HAUS5: variants seen among roughly 807,000 people sequenced by gnomAD.
HAUS5 encodes HAUS augmin like complex subunit 5, also known as HAUS augmin-like complex subunit 5.
A neutral mutation model predicts 94.1 loss-of-function variants in HAUS5; 67 were observed. The ratio of observed to expected loss-of-function variants is 0.71; its 90% CI spans 0.58 to 0.87. The LOEUF is 0.87. HAUS5 is among the 40% of genes least tolerant of loss of function. The pLI is 0.00. For missense variants in HAUS5, 739 were observed against 825.6 expected (o/e 0.90, Z 1.29); for synonymous variants, 339 against 355.4 (o/e 0.95, Z 0.52).
At chr19:35,614,977 C>A (rs901374403) in intron 4 of HAUS5, 65 bp from the exon 5 acceptor site, 2 of 1,202,676 alleles carry the variant, frequency 1.7e-6, no homozygotes, top group African/African-American at 3.0e-5. Flanking sequence ...GAGCCTGGTA[C>A]CCCCAAAAGA....
chr19:35,617,780 A>G (rs983038859), intron 8 of HAUS5, 75 bp from the exon 9 acceptor site: 1 of 1,262,080 alleles, frequency 7.9e-7, no homozygotes, highest in South Asian at 1.2e-5. Context: ...CCCCTACCTT[A>G]TAGGGTGGTG....
chr19:35,612,761 C>T lies in HAUS5; in HGVS notation c.-34C>T. 1.3e-6 allele frequency: 2 copies of T among 1,494,220 alleles called. No individual in the cohort carries two copies. The highest frequency in any genetic ancestry group is 9.0e-7 in the Non-Finnish European group (1 of 1,106,092). 92.6% of individuals were successfully genotyped at this position (1,494,220 alleles called of 1,614,324 possible). On this transcript the variant is annotated 5_prime_UTR_variant, in exon 1 of 19. Coordinates refer to ENST00000203166, the MANE Select transcript of HAUS5 (RefSeq NM_015302.2). ...GAGGCGGGCGCCACACTTGAAGAGGCTGAGGGAGGCGGTGTCGCCGCCGCG... is the reference window on the plus strand; with the variant it reads ...GAGGCGGGCGCCACACTTGAAGAGGTTGAGGGAGGCGGTGTCGCCGCCGCG...
intron 12 of HAUS5, 72 bp from the exon 13 acceptor site, chr19:35,618,815 C>G: frequency 6.5e-7 from 1 of 1,530,112 alleles, no homozygotes; most frequent in Middle Eastern, 1.8e-4. Flanking sequence ...TGCAGTGTCT[C>G]TCCCTGGTTT....
intron 17 of HAUS5, among the ~76,000 whole-genome samples, chr19:35,622,134 C>T (rs188551718): frequency 6.6e-6 from 1 of 152,190 alleles, no homozygotes; most frequent in East Asian, 1.9e-4. Context: ...TTGGACTCTG[C>T]CTTGGGGGCA....
intron 17 of HAUS5, among the ~76,000 whole-genome samples, chr19:35,620,576 A>G (rs1967195054): frequency 6.6e-6 from 1 of 152,210 alleles, no homozygotes; most frequent in Admixed American, 6.5e-5. Flanking sequence ...CTGGAATTTG[A>G]ATCCAGGTGG....
chr19:35,619,978 T>C, intron 15 of HAUS5, 34 bp from the exon 16 acceptor site: 1 of 1,603,280 alleles, frequency 6.2e-7, no homozygotes, highest in Non-Finnish European at 8.5e-7. Flanking sequence ...CTCCTCTCAG[T>C]CCCCACCCAA....
rs114279070 is a variant in HAUS5, at chr19:35,617,209, A to G, written c.555+16A>G. The G allele has an allele frequency of 2.1e-3, 3,308 of 1,612,972 alleles. 52 individuals are homozygous for G. In the African/African-American group the frequency reaches 0.039, roughly 19 times the overall value. ...CGTGGTCCTGGTAAGAGTCCTGGTC[A>G]TGGGAGAAGGGGCAGGGAGCCTGGA... On this transcript the variant is annotated intron_variant, in intron 7 of 18. Transcript: ENST00000203166.
intron 4 of HAUS5, 62 bp downstream of exon 4, chr19:35,614,121 C>CT (rs2071920055): frequency 9.6e-6 from 14 of 1,463,434 alleles, no homozygotes; most frequent in Non-Finnish European, 1.3e-5. Flanking sequence ...ATCTTCTGCT[C>CT]TAAGCCCAAC....
intron 14 of HAUS5, 21 bp from the exon 15 acceptor site, chr19:35,619,592 C>CCCCCCCCCCCCAA: frequency 2.0e-6 from 3 of 1,524,170 alleles, no homozygotes; most frequent in Non-Finnish European, 2.7e-6. Flanking sequence ...ATGCCCCACC[C>CCCCCCCCCCCCAA]ACCCCTCCCC....
At position 35,619,757 on chromosome 19, in the gene HAUS5, G is replaced by C; in HGVS notation, c.1405G>C (p.Glu469Gln). Residue 469 changes from glutamate (E) to glutamine (Q), a missense_variant and splice_region_variant, in exon 15 of 19, where the codon GAG (glutamate) becomes CAG (glutamine). Physicochemically the swap from Glu to Gln is conservative, Grantham distance 29. Transcript: ENST00000203166. Reference protein sequence around the residue: ...LGTLLRHRPGELKPLPTVLPS... With the variant: ...LGTLLRHRPGQLKPLPTVLPS... ...CACGCTGCTGCGGCACAGGCCGGGA[G>C]AGTGAGACTGGGGCTGCCCCACCCC... The C allele has an allele frequency of 6.5e-7, 1 of 1,546,958 alleles. No homozygotes were observed. The highest frequency in any genetic ancestry group is 8.7e-7 in the Non-Finnish European group (1 of 1,145,548).
At chr19:35,619,589 A>ACCCCC in intron 14 of HAUS5, 24 bp from the exon 15 acceptor site, 1 of 690,970 alleles carries the variant, frequency 1.4e-6, no homozygotes, top group Non-Finnish European at 2.2e-6. Context: ...GTGATGCCCC[A>ACCCCC]CCCACCCCTC....
chr19:35,622,852 C>T (rs374603859), intron 18 of HAUS5, 24 bp from the exon 19 acceptor site: 183 of 1,607,264 alleles, frequency 1.1e-4, no homozygotes, highest in Non-Finnish European at 1.5e-4. Flanking sequence ...GTCCTTTCCT[C>T]GTTGACGCCA....
At chr19:35,618,841 GC>G (rs764718173) in intron 12 of HAUS5, 45 bp from the exon 13 acceptor site, 1 of 1,553,880 alleles carries the variant, frequency 6.4e-7, no homozygotes, top group South Asian at 1.2e-5. Context: ...CCCTTGTGTG[GC>G]TCAGTCACCC....
chr19:35,615,063 G>A lies in HAUS5; in HGVS notation c.241G>A (p.Glu81Lys). 1.9e-6 allele frequency: 3 copies of A among 1,600,208 alleles called. No individual in the cohort carries two copies. Among genetic ancestry groups the A allele is most frequent in the Non-Finnish European group, 2.6e-6 (3 of 1,173,360 alleles). ...SPQVRRKLELEAAVTRLRAEI... is the reference protein window; with the variant it reads ...SPQVRRKLELKAAVTRLRAEI... Reference sequence around the variant, plus strand: ...CCAGGTCCGTCGGAAGTTAGAGCTGGAAGCTGCTGTGACCCGCCTGCGGGC... The same window carrying A: ...CCAGGTCCGTCGGAAGTTAGAGCTGAAAGCTGCTGTGACCCGCCTGCGGGC... Residue 81 changes from glutamate to lysine, a missense_variant, in exon 5 of 19, where the codon GAA (glutamate) becomes AAA (lysine). Transcript: ENST00000203166.
At position 35,623,671 on chromosome 19, in the gene HAUS5, G is replaced by A. The variant is rs1967256458; in HGVS notation, c.*678G>A. ...CATTTGGAATTTATCCTAGCACATG[G>A]ATCCAATTTTGTCTTATTTTACATA... On this transcript the variant is annotated 3_prime_UTR_variant, in exon 19 of 19. Transcript: ENST00000203166. The A allele has an allele frequency of 6.6e-6, 1 of 152,244 alleles. No individual in the cohort carries two copies. The highest frequency in any genetic ancestry group is 2.1e-4 in the South Asian group (1 of 4,832). 9.4% of individuals were successfully genotyped at this position (152,244 alleles called of 1,614,324 possible).
At chr19:35,614,240 G>A (rs937166886) in intron 4 of HAUS5, 181 bp downstream of exon 4, 3 of 650,846 alleles carry the variant, frequency 4.6e-6, no homozygotes, top group Non-Finnish European at 8.3e-6. Context: ...AGGTGCAGTG[G>A]CTCACACCTG....
intron 6 of HAUS5, 122 bp from the exon 7 acceptor site, chr19:35,617,002 G>T: frequency 1.3e-6 from 1 of 763,674 alleles, no homozygotes. Context: ...CTAATCTGGA[G>T]ATGGCTCCCG....
intron 3 of HAUS5, 50 bp from the exon 4 acceptor site, chr19:35,613,985 T>G: frequency 2.5e-6 from 4 of 1,609,644 alleles, no homozygotes; most frequent in Non-Finnish European, 2.6e-6. Flanking sequence ...CCTATTGCCC[T>G]CCCCCCTAGA....
chr19:35,612,873 C>T lies in HAUS5; in HGVS notation c.79C>T (p.Pro27Ser). Reference sequence around the variant, plus strand: ...GGGGGTGCCCGTGGCGGCCCGGGCCCCGGAATCGACGCTGCGCAGGTGAGG... The same window carrying T: ...GGGGGTGCCCGTGGCGGCCCGGGCCTCGGAATCGACGCTGCGCAGGTGAGG... ...EMGVPVAARAPESTLRRLCLG... is the reference protein window; with the variant it reads ...EMGVPVAARASESTLRRLCLG... Residue 27 changes from proline (P) to serine (S), a missense_variant, in exon 1 of 19, where the codon CCG becomes TCG. Transcript: ENST00000203166. The T allele has an allele frequency of 1.3e-6, 2 of 1,545,432 alleles. No individual in the cohort carries two copies. The highest frequency in any genetic ancestry group is 1.2e-5 in the South Asian group (1 of 83,550).
Sources: allele counts gnomAD v4.1 joint callset (sites outside exome capture counted in the v4.1 genomes callset), GRCh38; gene constraint gnomAD v4.1.1; transcripts MANE v1.5; gene names NCBI Gene and HGNC (gene_info 2026-07-23, HGNC 2026-07-21).